Variants in MAP4K5 observed in about 807,000 individuals in gnomAD.
The protein encoded by MAP4K5 is MAPK/ERK kinase kinase kinase 5.
MAP4K5 carries 82 observed loss-of-function variants against 135.6 expected under a neutral mutation model. That is an observed-to-expected ratio of 0.60 (90% CI 0.51 to 0.73). MAP4K5 has a LOEUF of 0.73. Among genes scored for constraint, MAP4K5 ranks in the 30% least tolerant of loss-of-function variants. The pLI is 0.00. For missense variants in MAP4K5, 907 were observed against 1,010.9 expected (o/e 0.90, Z 1.39); for synonymous variants, 347 against 335.0 (o/e 1.04, Z -0.39).
chr14:50,548,581 G>A (rs941153762), intron 1 of MAP4K5, among the ~76,000 whole-genome samples: 1 of 151,974 alleles, frequency 6.6e-6, no homozygotes. Flanking sequence ...GTGATCTCGG[G>A]TCACTGCAAG....
chr14:50,429,220 C>T lies in MAP4K5; in HGVS notation c.2205G>A (p.Glu735=). ...CTAAACACACTAAAACGGTATCTCT[C>T]TCCAACTGTGTTACATGAATGGAAT... The part of the protein sequence containing the change: ...QLDSIHVTQL[E]RDTVLVCLDK... Residue 735 remains glutamate, a synonymous_variant, in exon 29 of 33, where the codon GAG becomes GAA. Transcript: ENST00000682126. The T allele has an allele frequency of 6.4e-7, 1 of 1,562,796 alleles. No homozygotes were observed. The highest frequency in any genetic ancestry group is 8.7e-7 in the Non-Finnish European group (1 of 1,151,922).
intron 1 of MAP4K5, among the ~76,000 whole-genome samples, chr14:50,556,021 GAATAGTTTGTGGAGT>G (rs2038761131): frequency 6.6e-6 from 1 of 152,174 alleles, no homozygotes; most frequent in Non-Finnish European, 1.5e-5. Flanking sequence ...AGGGGGAAGA[GAATAGTTTGTGGAGT>G]AACATCCCGG....
intron 3 of MAP4K5, among the ~76,000 whole-genome samples, chr14:50,488,549 T>G (rs1420558999): frequency 2.0e-5 from 3 of 152,208 alleles, no homozygotes; most frequent in African/African-American, 7.2e-5. Flanking sequence ...TTCTCAATTG[T>G]GTGTAAATTC....
intron 29 of MAP4K5, 149 bp from the exon 30 acceptor site, chr14:50,428,903 A>G: frequency 1.6e-6 from 1 of 619,360 alleles, no homozygotes; most frequent in Admixed American, 3.4e-5. Context: ...AATGGCAAAA[A>G]ATACTGTAAG....
At chr14:50,529,880 G>C (rs997325064) in intron 2 of MAP4K5, among the ~76,000 whole-genome samples, 1 of 152,182 alleles carries the variant, frequency 6.6e-6, no homozygotes, top group East Asian at 1.9e-4. Flanking sequence ...AATGACTAAG[G>C]AGAGTGGTAG....
In MAP4K5 at chr14:50,437,932, A is replaced by G. The variant is rs1324115833; in HGVS notation, c.1785T>C (p.His595=). The G allele has an allele frequency of 6.2e-7, 1 of 1,612,176 alleles. No homozygotes were observed. Residue 595 remains histidine, a synonymous_variant, in exon 25 of 33, where the codon CAT becomes CAC. Coordinates refer to ENST00000682126, the MANE Select transcript of MAP4K5 (RefSeq NM_006575.6). ...GGTCTGGAAACCTGTGAGTTTGAATATGGGCAGCTAATCCTGGTTTTTTGG... is the reference window on the plus strand; with the variant it reads ...GGTCTGGAAACCTGTGAGTTTGAATGTGGGCAGCTAATCCTGGTTTTTTGG... ...EHAKKPGLAA[H]IQTHRFPDRI...
upstream of MAP4K5, among the ~76,000 whole-genome samples, chr14:50,536,889 G>A (rs567544164): frequency 6.6e-6 from 1 of 152,302 alleles, no homozygotes; most frequent in Admixed American, 6.5e-5. Context: ...TATAAGGGAA[G>A]CACAGCATAA....
chr14:50,429,132 G>T, intron 29 of MAP4K5, 60 bp downstream of exon 29: 2 of 898,800 alleles, frequency 2.2e-6, no homozygotes, highest in Non-Finnish European at 3.3e-6. Flanking sequence ...TGGTTTAACA[G>T]AATAAAAAAA....
upstream of MAP4K5, chr14:50,533,085 T>C (rs1480141360): frequency 1.3e-5 from 2 of 152,356 alleles, no homozygotes; most frequent in African/African-American, 4.8e-5. Flanking sequence ...TGGTACCAGT[T>C]TGAGGCTGCA....
chr14:50,467,348 T>C (rs1451716993), intron 10 of MAP4K5, among the ~76,000 whole-genome samples: 1 of 152,038 alleles, frequency 6.6e-6, no homozygotes, highest in Non-Finnish European at 1.5e-5. Flanking sequence ...AATTAAATGA[T>C]TCAAAGGAAA....
At position 50,470,224 on chromosome 14, in the gene MAP4K5, T is replaced by C. The variant is rs531829149; in HGVS notation, c.543-1442A>G. Among the ~76,000 whole-genome samples, 13 of 152,262 alleles carry C rather than the reference T, an allele frequency of 8.5e-5. 1 individual carries two copies. The Middle Eastern group carries it at 0.027, about 319-fold the overall frequency. On this transcript the variant is annotated intron_variant, in intron 9 of 32. Coordinates refer to ENST00000682126, the MANE Select transcript of MAP4K5 (RefSeq NM_006575.6). ...CACTTCCTGGCTCAGTGGGAAACTG[T>C]ATTCAATCAGTTGGCCATAGGTATA...
At chr14:50,463,874 G>A (rs1400954021) in intron 12 of MAP4K5, among the ~76,000 whole-genome samples, 178 bp downstream of exon 12, 1 of 114,298 alleles carries the variant, frequency 8.7e-6, no homozygotes, top group East Asian at 2.9e-4. Context: ...CTGGGTGACA[G>A]AGTGAGACCC....
chr14:50,442,843 CTTAT>C (rs886799080), intron 20 of MAP4K5, 27 bp from the exon 21 acceptor site: 26 of 1,346,694 alleles, frequency 1.9e-5, no homozygotes, highest in Non-Finnish European at 2.2e-5. Context: ...GAAATGTTAA[CTTAT>C]TTGATTAGAA....
At chr14:50,487,045 T>C (rs2037377489) in intron 3 of MAP4K5, among the ~76,000 whole-genome samples, 1 of 152,242 alleles carries the variant, frequency 6.6e-6, no homozygotes, top group South Asian at 2.1e-4. Context: ...CTTTCAACTT[T>C]TTCAGTTCAA....
chr14:50,549,208 G>A (rs1437533450), intron 1 of MAP4K5, among the ~76,000 whole-genome samples: 2 of 152,080 alleles, frequency 1.3e-5, no homozygotes, highest in Non-Finnish European at 2.9e-5. Context: ...TACATTGATG[G>A]GTCTAGCAAA....
intron 1 of MAP4K5, among the ~76,000 whole-genome samples, chr14:50,545,576 T>C (rs1006479648): frequency 2.0e-5 from 3 of 152,124 alleles, no homozygotes; most frequent in Non-Finnish European, 4.4e-5. Flanking sequence ...GATGTTAAAG[T>C]ACAATAAGAA....
chr14:50,429,309 C>T (rs2035919937), intron 28 of MAP4K5, 49 bp from the exon 29 acceptor site: 1 of 1,111,108 alleles, frequency 9.0e-7, no homozygotes. Flanking sequence ...AAACCTAGAG[C>T]CTAGAAAATA....
intron 2 of MAP4K5, among the ~76,000 whole-genome samples, chr14:50,516,671 C>A (rs1345975348): frequency 6.6e-6 from 1 of 152,182 alleles, no homozygotes; most frequent in Non-Finnish European, 1.5e-5. Context: ...AAGAGCACAT[C>A]TCTTCTACTT....
intron 2 of MAP4K5, among the ~76,000 whole-genome samples, chr14:50,509,056 A>G (rs952695387): frequency 6.6e-6 from 1 of 152,196 alleles, no homozygotes; most frequent in Non-Finnish European, 1.5e-5. Context: ...CAGCCATAAA[A>G]AAAGGAAGAG....
Sources: allele counts gnomAD v4.1 joint callset (sites outside exome capture counted in the v4.1 genomes callset), GRCh38; gene constraint gnomAD v4.1.1; transcripts MANE v1.5; gene names NCBI Gene and HGNC (gene_info 2026-07-23, HGNC 2026-07-21).